Variants in CAMKMT observed in about 807,000 individuals in gnomAD.
CAMKMT encodes the protein calmodulin-lysine N-methyltransferase, also known as CaM KMT.
CAMKMT carries 53 observed loss-of-function variants against 48.0 expected under a neutral mutation model. The ratio of observed to expected loss-of-function variants is 1.10; its 90% CI spans 0.89 to 1.39. The LOEUF is 1.39. CAMKMT is among the 40% of genes most tolerant of loss of function. The pLI is 0.00. For missense variants in CAMKMT, 428 were observed against 402.7 expected, an observed-to-expected ratio of 1.06 and a Z score of -0.54; for synonymous variants, 165 against 152.3, an observed-to-expected ratio of 1.08 and a Z score of -0.61.
chr2:44,593,011 C>G (rs144929458), intron 3 of CAMKMT, among the ~76,000 whole-genome samples: 15 of 152,278 alleles, frequency 9.9e-5, no homozygotes, highest in African/African-American at 3.6e-4. Flanking sequence ...GTTAAAATCT[C>G]TGACTATAAT....
chr2:44,555,939 G>A (rs1358197523), intron 3 of CAMKMT, among the ~76,000 whole-genome samples: 7 of 152,086 alleles, frequency 4.6e-5, no homozygotes, highest in Non-Finnish European at 1.0e-4. Flanking sequence ...CAGGGAAGAA[G>A]GAGTGGCAGC....
At chr2:44,574,984 G>T (rs1287104703) in intron 3 of CAMKMT, among the ~76,000 whole-genome samples, 1 of 152,036 alleles carries the variant, frequency 6.6e-6, no homozygotes, top group Non-Finnish European at 1.5e-5. Context: ...TCGAACTCCT[G>T]ACCTCAAATG....
At chr2:44,372,969 A>G in intron 2 of CAMKMT, 81 bp downstream of exon 2, 4 of 1,281,960 alleles carry the variant, frequency 3.1e-6, no homozygotes, top group South Asian at 1.4e-5. Flanking sequence ...AATCATCATT[A>G]TTTATTCTAT....
chr2:44,387,729 G>C (rs550763184), intron 2 of CAMKMT, among the ~76,000 whole-genome samples: 2 of 152,200 alleles, frequency 1.3e-5, no homozygotes, highest in African/African-American at 4.8e-5. Context: ...GCTTGGTAAT[G>C]GTGAATTCTC....
At chr2:44,505,436 G>A (rs1368929462) in intron 3 of CAMKMT, among the ~76,000 whole-genome samples, 1 of 151,988 alleles carries the variant, frequency 6.6e-6, no homozygotes, top group Non-Finnish European at 1.5e-5. Flanking sequence ...TGTGCTTTTG[G>A]CATCAATTCT....
chr2:44,384,183 G>C (rs1263505174), intron 2 of CAMKMT, among the ~76,000 whole-genome samples: 1 of 152,082 alleles, frequency 6.6e-6, no homozygotes, highest in African/African-American at 2.4e-5. Flanking sequence ...GGAGTAAGGT[G>C]GTATTGCATT....
rs146598309 is a variant in CAMKMT, at chr2:44,741,469, G to C, written c.624-2153G>C. ...CTTAGAATGTTCAAGGAGATAGCTA[G>C]TGTTATCCCCATCTTACAGATCAGA... is the stretch of plus-strand genomic sequence containing the variant. On this transcript the variant is annotated intron_variant, in intron 7 of 10. Transcript: ENST00000378494. Among the ~76,000 whole-genome samples the C allele has an allele frequency of 3.0e-3, 451 of 152,344 alleles. 1 individual carries two copies. The highest frequency in any genetic ancestry group is 0.017 in the Middle Eastern group (5 of 294).
intron 7 of CAMKMT, among the ~76,000 whole-genome samples, chr2:44,727,499 T>A (rs959928711): frequency 6.6e-6 from 1 of 152,258 alleles, no homozygotes; most frequent in Non-Finnish European, 1.5e-5. Context: ...CATTTATCAA[T>A]TCTAGGAGCC....
chr2:44,402,895 C>T (rs1682523118), intron 3 of CAMKMT, among the ~76,000 whole-genome samples: 1 of 146,108 alleles, frequency 6.8e-6, no homozygotes, highest in Admixed American at 6.8e-5. Flanking sequence ...AATTGCCTTT[C>T]TTGCTTTTTT....
Position 44,768,530 on chromosome 2 carries a change from C to T in CAMKMT, c.894+1969C>T, listed in dbSNP as rs188415706. Among the ~76,000 whole-genome samples the T allele has an allele frequency of 2.7e-3, 414 of 152,000 alleles. 2 individuals carry two copies. Among genetic ancestry groups the T allele is most frequent in the African/African-American group, 9.5e-3 (396 of 41,490 alleles). On this transcript the variant is annotated intron_variant, in intron 10 of 10. Transcript: ENST00000378494. ...TCCTTTGCAGGAGAAGGAGCTCGCC[C>T]AGAGGCCGGAGCAGTGAGCCGGGGG...
intron 3 of CAMKMT, among the ~76,000 whole-genome samples, chr2:44,416,641 T>C (rs969910328): frequency 1.3e-5 from 2 of 149,908 alleles, no homozygotes; most frequent in Non-Finnish European, 3.0e-5. Context: ...TGGTGTGATC[T>C]TGGCTCACTG....
chr2:44,522,543 T>G (rs1671173588), intron 3 of CAMKMT, among the ~76,000 whole-genome samples: 1 of 152,230 alleles, frequency 6.6e-6, no homozygotes, highest in South Asian at 2.1e-4. Flanking sequence ...CTTAAGATCT[T>G]CAGAAGTTCT....
chr2:44,388,721 C>A (rs1454816670), intron 2 of CAMKMT, among the ~76,000 whole-genome samples: 1 of 152,106 alleles, frequency 6.6e-6, no homozygotes, highest in Non-Finnish European at 1.5e-5. Flanking sequence ...AGTACTCTCC[C>A]CGTTTTCCTA....
chr2:44,727,736 C>T (rs1400003744), intron 7 of CAMKMT, among the ~76,000 whole-genome samples: 1 of 152,122 alleles, frequency 6.6e-6, no homozygotes, highest in Non-Finnish European at 1.5e-5. Flanking sequence ...ATGATGTTGG[C>T]TGTGGGTTTG....
At chr2:44,474,075 A>G (rs745523015) in intron 3 of CAMKMT, among the ~76,000 whole-genome samples, 3 of 152,222 alleles carry the variant, frequency 2.0e-5, no homozygotes, top group African/African-American at 4.8e-5. Context: ...GTGCATATAC[A>G]TGGTATATGT....
chr2:44,462,672 A>G (rs576293123), intron 3 of CAMKMT, among the ~76,000 whole-genome samples: 1 of 152,278 alleles, frequency 6.6e-6, no homozygotes, highest in South Asian at 2.1e-4. Flanking sequence ...AAATTATACA[A>G]AAATGTGCTG....
intron 3 of CAMKMT, among the ~76,000 whole-genome samples, chr2:44,684,542 C>G (rs343975): frequency 0.54 from 81,613 of 151,732 alleles, 22,932 homozygotes; most frequent in African/African-American, 0.64. Flanking sequence ...TCACTTAAAG[C>G]GTCCATTCTA....
intron 3 of CAMKMT, among the ~76,000 whole-genome samples, chr2:44,488,649 C>T (rs1404387617): frequency 1.3e-5 from 2 of 151,920 alleles, no homozygotes; most frequent in Non-Finnish European, 2.9e-5. Context: ...TTGCAGTGAG[C>T]CATGATTGCT....
At chr2:44,449,342 G>A (rs1667170650) in intron 3 of CAMKMT, among the ~76,000 whole-genome samples, 1 of 152,108 alleles carries the variant, frequency 6.6e-6, no homozygotes, top group Non-Finnish European at 1.5e-5. Flanking sequence ...TATTTCAACT[G>A]ACTATCTCTG....
Sources: gnomAD v4.1 joint callset for allele counts (sites outside exome capture counted in the v4.1 genomes callset) on GRCh38, gnomAD v4.1.1 for gene constraint, MANE v1.5 for transcripts, NCBI Gene and HGNC (gene_info 2026-07-23, HGNC 2026-07-21) for gene names.